PLCG2: variants seen among roughly 807,000 people sequenced by gnomAD.
PLCG2 encodes the protein 1-phosphatidylinositol 4,5-bisphosphate phosphodiesterase gamma-2.
Under a neutral mutation model 175.6 loss-of-function variants are expected in PLCG2, and 69 were observed. That is an observed-to-expected ratio of 0.39 (90% CI 0.32 to 0.48). The LOEUF is 0.48. Ranked by LOEUF, PLCG2 falls within the 20% of genes least tolerant of loss-of-function variation. The probability of loss-of-function intolerance (pLI) is 0.91; values close to 1 mark genes in which losing one functional copy is unlikely to be tolerated. For missense variants in PLCG2, 1,798 were observed against 1,650.9 expected, an observed-to-expected ratio of 1.09 and a Z score of -1.54; for synonymous variants, 827 against 624.0, an observed-to-expected ratio of 1.33 and a Z score of -4.85.
At chr16:81,876,016 CTTTTTTT>C (rs547152035) in intron 7 of PLCG2, among the ~76,000 whole-genome samples, 16,207 of 115,040 alleles carry the variant, frequency 0.14, 946 homozygotes, top group African/African-American at 0.16. Context: ...CTTTTTCTTT[CTTTTTTT>C]TTTTTTTTTT....
intron 1 of PLCG2, among the ~76,000 whole-genome samples, chr16:81,744,216 G>A (rs1017785777): frequency 4.1e-5 from 6 of 145,118 alleles, no homozygotes; most frequent in African/African-American, 7.7e-5. Flanking sequence ...TCACCAGGCT[G>A]GTGTGCAGTG....
At chr16:81,889,544 G>C (rs1908534024) in intron 10 of PLCG2, 5 of 302,770 alleles carry the variant, frequency 1.7e-5, no homozygotes, top group Non-Finnish European at 3.1e-5. Context: ...AATAGGGAAA[G>C]AGCTTAACTC....
At chr16:81,934,575 C>T in intron 26 of PLCG2, 44 bp downstream of exon 26, 2 of 1,141,510 alleles carry the variant, frequency 1.8e-6, no homozygotes, top group Non-Finnish European at 2.7e-6. Flanking sequence ...CCAATGAAAA[C>T]TTAACTTCCT....
At chr16:81,759,430 T>C (rs1597305029) in intron 2 of PLCG2, among the ~76,000 whole-genome samples, 1 of 152,236 alleles carries the variant, frequency 6.6e-6, no homozygotes, top group East Asian at 1.9e-4. Flanking sequence ...ATTTATTCTT[T>C]GATAGGTAAT....
At chr16:81,894,956 C>A (rs553793914) in intron 12 of PLCG2, among the ~76,000 whole-genome samples, 4 of 152,318 alleles carry the variant, frequency 2.6e-5, no homozygotes, top group African/African-American at 9.6e-5. Flanking sequence ...CAAAACGACT[C>A]ATCATGGAAG....
intron 31 of PLCG2, among the ~76,000 whole-genome samples, chr16:81,954,716 C>T (rs1176455543): frequency 6.6e-6 from 1 of 152,180 alleles, no homozygotes; most frequent in South Asian, 2.1e-4. Flanking sequence ...ATATGTACCA[C>T]ATTTTCTTTA....
intron 31 of PLCG2, among the ~76,000 whole-genome samples, chr16:81,947,406 G>A (rs1464526736): frequency 1.3e-5 from 2 of 152,192 alleles, no homozygotes; most frequent in Admixed American, 1.3e-4. Flanking sequence ...ACTCACAGGT[G>A]CAGCTCGGCA....
intron 11 of PLCG2, 86 bp from the exon 12 acceptor site, chr16:81,893,623 T>A: frequency 1.3e-6 from 1 of 795,406 alleles, no homozygotes; most frequent in Non-Finnish European, 2.2e-6. Context: ...GCGGAGAAGT[T>A]CCCCCACAAC....
intron 7 of PLCG2, among the ~76,000 whole-genome samples, chr16:81,871,462 C>T (rs1907510838): frequency 2.0e-5 from 3 of 152,122 alleles, no homozygotes; most frequent in Non-Finnish European, 4.4e-5. Context: ...CCTTAGCCTC[C>T]CCAGTAGCTG....
intron 3 of PLCG2, among the ~76,000 whole-genome samples, chr16:81,855,251 G>T (rs1227650786): frequency 6.6e-6 from 1 of 151,692 alleles, no homozygotes; most frequent in Non-Finnish European, 1.5e-5. Flanking sequence ...TCCAGCAGAT[G>T]TGGCTCAGCA....
intron 2 of PLCG2, among the ~76,000 whole-genome samples, chr16:81,787,413 T>TTTTTTTTTG (rs1911023948): frequency 7.2e-6 from 1 of 139,260 alleles, no homozygotes. Context: ...TTTTTTTTTG[T>TTTTTTTTTG]AGAGATGGGA....
intron 17 of PLCG2, among the ~76,000 whole-genome samples, chr16:81,909,692 C>A (rs1186333701): frequency 6.6e-6 from 1 of 152,198 alleles, no homozygotes; most frequent in Non-Finnish European, 1.5e-5. Flanking sequence ...AGGATTACAG[C>A]TGTAAGCCAT....
chr16:81,814,040 A>C (rs1264467445), intron 2 of PLCG2, among the ~76,000 whole-genome samples: 1 of 152,160 alleles, frequency 6.6e-6, no homozygotes, highest in Non-Finnish European at 1.5e-5. Context: ...GTGTTGAGTG[A>C]TCTAGAAGGC....
chr16:81,766,636 T>C (rs1434934909), intron 2 of PLCG2: 1 of 152,334 alleles, frequency 6.6e-6, no homozygotes. Context: ...TGTTTATGTG[T>C]TTCCTTGTTT....
chr16:81,763,423 G>T (rs554287077), intron 2 of PLCG2, among the ~76,000 whole-genome samples: 156 of 152,346 alleles, frequency 1.0e-3, no homozygotes, highest in African/African-American at 3.6e-3. Flanking sequence ...TCCAGCTGCA[G>T]GTGGATGCCA....
chr16:81,958,026 G>A lies in PLCG2; in HGVS notation c.*28G>A, dbSNP rs200846103. 1 of 1,528,196 alleles carries A rather than the reference G, an allele frequency of 6.5e-7. No individual in the cohort carries two copies. The highest frequency in any genetic ancestry group is 1.1e-5 in the South Asian group (1 of 89,322). 94.7% of individuals were successfully genotyped at this position (1,528,196 alleles called of 1,614,324 possible). On this transcript the variant is annotated 3_prime_UTR_variant, in exon 33 of 33. Transcript: ENST00000564138. ...GCTGGGGTATGTGTGTAAGGGTATT[G>A]TGTGTGTGCGCATGTGTGTTTGCAT...
intron 1 of PLCG2, chr16:81,783,041 G>C (rs1445618314): frequency 4.5e-6 from 2 of 443,704 alleles, no homozygotes; most frequent in Admixed American, 5.0e-5. Context: ...GAAGTAACTG[G>C]GACCCTGGGG....
In PLCG2 at chr16:81,912,675, C is replaced by G. The variant is rs768072868; in HGVS notation, c.2013C>G (p.Ile671Met). 2.5e-6 allele frequency: 4 copies of G among 1,612,496 alleles called. No homozygotes were observed. Among genetic ancestry groups the G allele is most frequent in the Admixed American group, 3.3e-5 (2 of 59,832 alleles). The change falls in exon 19 of 33, where the codon ATC (isoleucine) becomes ATG (methionine). Residue 671 changes from isoleucine (I) to methionine (M), a missense_variant. Physicochemically the swap from Ile to Met is conservative, Grantham distance 10 (BLOSUM62 1). Coordinates refer to ENST00000564138, the MANE Select transcript of PLCG2 (RefSeq NM_002661.5). ...TTCCCCGGGACGGGGCCTTCCTGAT[C>G]CGGAAGCGAGAGGGGAGCGACTCCT... ...MRIPRDGAFL[I>M]RKREGSDSYA... is the part of the protein sequence containing the mutation.
chr16:81,758,017 C>T (rs1176130210), intron 2 of PLCG2, among the ~76,000 whole-genome samples: 1 of 152,162 alleles, frequency 6.6e-6, no homozygotes, highest in Non-Finnish European at 1.5e-5. Flanking sequence ...GATCTGTCAC[C>T]CAGGCTGGAG....
Sources: gnomAD v4.1 joint callset for allele counts (sites outside exome capture counted in the v4.1 genomes callset) on GRCh38, gnomAD v4.1.1 for gene constraint, MANE v1.5 for transcripts, NCBI Gene and HGNC (gene_info 2026-07-23, HGNC 2026-07-21) for gene names.